Variants in TSHZ2 observed in about 807,000 individuals in gnomAD.
TSHZ2 encodes the protein teashirt homolog 2.
A neutral mutation model predicts 74.4 loss-of-function variants in TSHZ2; 21 were observed. The observed-to-expected ratio is 0.28, with a 90% CI of 0.20 to 0.41. The LOEUF (loss-of-function observed/expected upper bound fraction) is 0.41. Among genes scored for constraint, TSHZ2 ranks in the 10% least tolerant of loss-of-function variants. TSHZ2 has a pLI of 1.00. For synonymous variants in TSHZ2, 540 were observed against 515.3 expected (o/e 1.05, Z -0.65); for missense variants, 1,244 against 1,293.5 (o/e 0.96, Z 0.59).
intron 2 of TSHZ2, among the ~76,000 whole-genome samples, chr20:53,336,792 G>A (rs573443206): frequency 4.6e-5 from 7 of 152,160 alleles, no homozygotes; most frequent in African/African-American, 1.7e-4. Context: ...CTATATATAT[G>A]CATATGTATA....
chr20:53,275,700 GAT>G (rs1387980823), intron 2 of TSHZ2, among the ~76,000 whole-genome samples: 3 of 152,296 alleles, frequency 2.0e-5, no homozygotes, highest in Non-Finnish European at 4.4e-5. Flanking sequence ...GGCCAAGGTG[GAT>G]GGATCACCTG....
At chr20:53,109,447 A>G (rs1356125688) in intron 1 of TSHZ2, among the ~76,000 whole-genome samples, 2 of 151,706 alleles carry the variant, frequency 1.3e-5, no homozygotes, top group Non-Finnish European at 2.9e-5. Context: ...AGTCCTTCTC[A>G]TTTTCTCCCT....
chr20:53,244,448 G>A (rs896803580), intron 1 of TSHZ2, among the ~76,000 whole-genome samples: 1 of 152,078 alleles, frequency 6.6e-6, no homozygotes, highest in African/African-American at 2.4e-5. Flanking sequence ...CCTGATTTGT[G>A]ACTCTCTGGG....
Position 53,216,454 on chromosome 20 carries a change from G to A in TSHZ2, c.41-37045G>A, listed in dbSNP as rs182330607. On this transcript the variant is annotated intron_variant, in intron 1 of 2. Coordinates refer to ENST00000371497, the MANE Select transcript of TSHZ2 (RefSeq NM_173485.6). ...ATAGGCCACAGCCAGAGCACTGAAG[G>A]CCACAAATGTGAACCCCTAGCTAGG... Among the ~76,000 whole-genome samples, 434 of 152,300 alleles carry A rather than the reference G, an allele frequency of 2.8e-3. 2 individuals are homozygous for A. The highest frequency in any genetic ancestry group is 3.8e-3 in the Non-Finnish European group (258 of 68,016).
intron 1 of TSHZ2, among the ~76,000 whole-genome samples, chr20:53,072,157 C>G (rs1156718231): frequency 6.6e-6 from 1 of 152,144 alleles, no homozygotes; most frequent in East Asian, 1.9e-4. Context: ...GTTTTCCTAA[C>G]CAACAAATCC....
intron 1 of TSHZ2, among the ~76,000 whole-genome samples, chr20:53,058,094 C>T (rs1006029874): frequency 1.1e-4 from 17 of 152,256 alleles, no homozygotes; most frequent in African/African-American, 2.2e-4. Flanking sequence ...ATCCCTCACA[C>T]GTGCAGTTCA....
chr20:53,437,609 G>A (rs1984137041), intron 2 of TSHZ2, among the ~76,000 whole-genome samples: 1 of 152,218 alleles, frequency 6.6e-6, no homozygotes, highest in African/African-American at 2.4e-5. Context: ...CTTAAGTGGT[G>A]TCACTGGAAA....
At chr20:53,096,991 T>C (rs1986074004) in intron 1 of TSHZ2, among the ~76,000 whole-genome samples, 1 of 152,130 alleles carries the variant, frequency 6.6e-6, no homozygotes, top group South Asian at 2.1e-4. Context: ...CTCAATGGTA[T>C]TGACATCATT....
chr20:53,190,120 TATATATATATATATATA>T (rs1988698489), intron 1 of TSHZ2, among the ~76,000 whole-genome samples: 3 of 92,080 alleles, frequency 3.3e-5, no homozygotes, highest in African/African-American at 1.4e-4. Context: ...TATATATATA[TATATATATATATATATA>T]TTTTCTTAAA....
intron 1 of TSHZ2, among the ~76,000 whole-genome samples, chr20:53,164,941 C>A (rs1285058254): frequency 2.6e-5 from 4 of 152,138 alleles, no homozygotes; most frequent in African/African-American, 9.7e-5. Context: ...GTTTGAGATG[C>A]AAGGATCCTT....
At chr20:53,299,148 G>C (rs1991433441) in intron 2 of TSHZ2, among the ~76,000 whole-genome samples, 1 of 152,188 alleles carries the variant, frequency 6.6e-6, no homozygotes, top group East Asian at 1.9e-4. Flanking sequence ...GACCCCATCT[G>C]TTCTATAAAA....
chr20:53,346,085 A>G (rs893137598), intron 2 of TSHZ2, among the ~76,000 whole-genome samples: 1 of 152,252 alleles, frequency 6.6e-6, no homozygotes, highest in African/African-American at 2.4e-5. Context: ...CACATTGTCT[A>G]GAGAAAGTTG....
At chr20:53,215,742 C>A (rs1371575955) in intron 1 of TSHZ2, among the ~76,000 whole-genome samples, 1 of 151,692 alleles carries the variant, frequency 6.6e-6, no homozygotes, top group Non-Finnish European at 1.5e-5. Context: ...GTGGCACATG[C>A]CTGTAATTCC....
chr20:53,212,551 G>A (rs1315118352), intron 1 of TSHZ2, among the ~76,000 whole-genome samples: 2 of 152,108 alleles, frequency 1.3e-5, no homozygotes, highest in Non-Finnish European at 2.9e-5. Flanking sequence ...GAGGGGGAGG[G>A]ATATCGTTTA....
At chr20:53,252,329 C>T (rs371142774) in intron 1 of TSHZ2, among the ~76,000 whole-genome samples, 14 of 152,288 alleles carry the variant, frequency 9.2e-5, no homozygotes, top group South Asian at 4.1e-4. Flanking sequence ...TTCCCCACGT[C>T]GCTACCTGCC....
chr20:53,237,090 A>G (rs1426734343), intron 1 of TSHZ2, among the ~76,000 whole-genome samples: 1 of 152,168 alleles, frequency 6.6e-6, no homozygotes, highest in African/African-American at 2.4e-5. Flanking sequence ...TATCACCTCC[A>G]CCATGGGAGT....
At chr20:52,997,661 T>C (rs777364697) in intron 1 of TSHZ2, among the ~76,000 whole-genome samples, 11 of 152,164 alleles carry the variant, frequency 7.2e-5, no homozygotes, top group East Asian at 3.9e-4. Context: ...CCGGGTTCTG[T>C]TGGGCAAAGA....
At chr20:53,130,729 T>G (rs1293421) in intron 1 of TSHZ2, among the ~76,000 whole-genome samples, 99,371 of 152,168 alleles carry the variant, frequency 0.65, 33,536 homozygotes, top group East Asian at 0.88. Context: ...AAGATCTCAG[T>G]CGCTGGATTC....
At chr20:53,071,567 C>T (rs1600675764) in intron 1 of TSHZ2, among the ~76,000 whole-genome samples, 1 of 152,156 alleles carries the variant, frequency 6.6e-6, no homozygotes, top group Admixed American at 6.5e-5. Context: ...AGTCTCTGTC[C>T]TCTTCTTTTC....
Sources: gnomAD v4.1 joint callset for allele counts (sites outside exome capture counted in the v4.1 genomes callset) on GRCh38, gnomAD v4.1.1 for gene constraint, MANE v1.5 for transcripts, NCBI Gene and HGNC (gene_info 2026-07-23, HGNC 2026-07-21) for gene names.